The following ARHGAP6 variants were observed in gnomAD, a reference collection of about 807,000 sequenced individuals.
The protein encoded by ARHGAP6 is Rho GTPase activating protein 6.
A neutral mutation model predicts 55.7 loss-of-function variants in ARHGAP6; 16 were observed. That is an observed-to-expected ratio of 0.29 (90% CI 0.19 to 0.44). ARHGAP6 has a LOEUF of 0.44. Ranked by LOEUF, ARHGAP6 falls within the 20% of genes least tolerant of loss-of-function variation. The pLI, the probability that ARHGAP6 is intolerant of heterozygous loss-of-function variation, is 1.00. For synonymous variants in ARHGAP6, 382 were observed against 360.9 expected (o/e 1.06, Z -0.66); for missense variants, 698 against 808.9 (o/e 0.86, Z 1.66).
intron 1 of ARHGAP6, among the ~76,000 whole-genome samples, chrX:11,483,038 T>G (rs2050473395): frequency 8.9e-6 from 1 of 111,847 alleles, no homozygotes; most frequent in Non-Finnish European, 1.9e-5. Context: ...CTTTTCCTGT[T>G]AATCCTACTC....
intron 1 of ARHGAP6, among the ~76,000 whole-genome samples, chrX:11,323,305 A>G (rs2048456390): frequency 8.9e-6 from 1 of 112,532 alleles, no homozygotes; most frequent in African/African-American, 3.2e-5. Context: ...TTTCAAATGT[A>G]TATTACACCA....
At position 11,573,805 on chromosome X, in the gene ARHGAP6, T is replaced by A. The variant is rs190500931; in HGVS notation, c.588+90436A>T. 1.7e-3 allele frequency among the ~76,000 whole-genome samples: 185 copies of A among 111,513 alleles called. 3 individuals are homozygous for A. The East Asian group carries it at 0.044, about 27-fold the overall frequency. ...ATGGCCATTTTCACGATATTGATTC[T>A]TCCTACCCATGAGCATGGAATGTTC... On this transcript the variant is annotated intron_variant, in intron 1 of 12. Coordinates refer to ENST00000337414, the MANE Select transcript of ARHGAP6 (RefSeq NM_013427.3).
chrX:11,510,956 T>C (rs2050779957), intron 1 of ARHGAP6, among the ~76,000 whole-genome samples: 1 of 111,839 alleles, frequency 8.9e-6, no homozygotes, highest in East Asian at 2.8e-4. Flanking sequence ...ACAGAGAACA[T>C]ATGACCTGCA....
At chrX:11,495,606 AAC>A (rs1284810666) in intron 1 of ARHGAP6, among the ~76,000 whole-genome samples, 2 of 110,940 alleles carry the variant, frequency 1.8e-5, no homozygotes, top group Non-Finnish European at 3.8e-5. Context: ...GTAATCCTGG[AAC>A]CATGCTCCAG....
rs1235234763 is a variant in ARHGAP6, at chrX:11,174,616, C to T, written c.1629+3484G>A. Among the ~76,000 whole-genome samples the T allele has an allele frequency of 1.5e-4, 10 of 65,029 alleles. No homozygotes were observed. The East Asian group carries it at 1.8e-3, about 12-fold the overall frequency. 56.5% of individuals were successfully genotyped at this position (65,029 alleles called of 115,157 possible). ...TTTTTCTTTCTTTCTTTCTTTCTTT[C>T]TCTTTCTTTTCTTTCTTTCTTTCTT... On this transcript the variant is annotated intron_variant, in intron 8 of 12. Coordinates refer to ENST00000337414, the MANE Select transcript of ARHGAP6 (RefSeq NM_013427.3).
At chrX:11,243,160 CA>C (rs1487804271) in intron 2 of ARHGAP6, among the ~76,000 whole-genome samples, 1 of 112,034 alleles carries the variant, frequency 8.9e-6, no homozygotes, top group African/African-American at 3.2e-5. Flanking sequence ...CACTTGTCTG[CA>C]ATGGCAGAAG....
chrX:11,340,175 C>G (rs2048685477), intron 1 of ARHGAP6, among the ~76,000 whole-genome samples: 1 of 111,730 alleles, frequency 9.0e-6, no homozygotes, highest in Admixed American at 9.5e-5. Flanking sequence ...ATTAGAGCCC[C>G]ATCCTAATTC....
intron 1 of ARHGAP6, among the ~76,000 whole-genome samples, chrX:11,660,682 C>T (rs1160137753): frequency 9.2e-6 from 1 of 109,042 alleles, no homozygotes; most frequent in African/African-American, 3.3e-5. Flanking sequence ...CCTGCTCCTC[C>T]AAACAAATTA....
chrX:11,202,716 G>A (rs1161094715), intron 2 of ARHGAP6, among the ~76,000 whole-genome samples: 1 of 97,357 alleles, frequency 1.0e-5, no homozygotes, highest in Non-Finnish European at 2.0e-5. Context: ...ACTGAGGCAG[G>A]AGAATCACAG....
At chrX:11,325,269 T>G (rs770167320) in intron 1 of ARHGAP6, among the ~76,000 whole-genome samples, 1 of 112,468 alleles carries the variant, frequency 8.9e-6, no homozygotes, top group African/African-American at 3.2e-5. Context: ...ATCAAAATGC[T>G]TATCAATCAC....
intron 1 of ARHGAP6, among the ~76,000 whole-genome samples, chrX:11,566,819 T>A (rs1291255491): frequency 8.9e-6 from 1 of 112,440 alleles, no homozygotes; most frequent in Non-Finnish European, 1.9e-5. Context: ...AAAGCCAAAA[T>A]TGAAAACAAA....
At chrX:11,274,283 C>T (rs2047730187) in intron 1 of ARHGAP6, among the ~76,000 whole-genome samples, 1 of 111,796 alleles carries the variant, frequency 8.9e-6, no homozygotes, top group Non-Finnish European at 1.9e-5. Context: ...GAGGTGGCAA[C>T]TGTTGACTTA....
At position 11,495,587 on chromosome X, in the gene ARHGAP6, GT is replaced by G. The variant is rs750647035; in HGVS notation, c.588+168653del. 2.7e-5 allele frequency among the ~76,000 whole-genome samples: 3 copies of G among 111,335 alleles called. No homozygotes were observed. In the South Asian group the frequency reaches 1.2e-3, roughly 43 times the overall value. On this transcript the variant is annotated intron_variant, in intron 1 of 12. Transcript: ENST00000337414. ...GTATCTGGGTAAATGTAGTCACTGA[GT>G]CCCTGAGGTAATCCTGGAACCATGC... is the stretch of plus-strand genomic sequence containing the variant.
At chrX:11,231,276 G>A (rs1045454911) in intron 2 of ARHGAP6, among the ~76,000 whole-genome samples, 6 of 112,088 alleles carry the variant, frequency 5.4e-5, no homozygotes, top group African/African-American at 9.7e-5. Flanking sequence ...CCGCTTTGAA[G>A]AATGGCTGAT....
chrX:11,495,466 C>A (rs1247776046), intron 1 of ARHGAP6, among the ~76,000 whole-genome samples: 1 of 112,157 alleles, frequency 8.9e-6, no homozygotes, highest in Non-Finnish European at 1.9e-5. Context: ...TCCCTCTTTT[C>A]TTCACCTGAG....
chrX:11,266,703 T>A (rs1372300701), intron 1 of ARHGAP6, among the ~76,000 whole-genome samples: 1 of 111,785 alleles, frequency 8.9e-6, no homozygotes, highest in Non-Finnish European at 1.9e-5. Flanking sequence ...CTGAACCAAA[T>A]ACAACTCGAA....
chrX:11,225,526 G>A (rs1382951618), intron 2 of ARHGAP6: 2 of 189,003 alleles, frequency 1.1e-5, no homozygotes, highest in African/African-American at 6.1e-5. Flanking sequence ...GAACACAACT[G>A]TTTAAAATTG....
chrX:11,233,799 C>A (rs2047163439), intron 2 of ARHGAP6, among the ~76,000 whole-genome samples: 1 of 112,140 alleles, frequency 8.9e-6, no homozygotes, highest in Admixed American at 9.5e-5. Flanking sequence ...ATCTTTCCAG[C>A]TATTTTTGAT....
chrX:11,621,540 GGTAA>G (rs1433845468), intron 1 of ARHGAP6, among the ~76,000 whole-genome samples: 1 of 111,250 alleles, frequency 9.0e-6, no homozygotes, highest in Non-Finnish European at 1.9e-5. Flanking sequence ...TGAGGCAGCT[GGTAA>G]GTGTTTTAGT....
Sources: allele counts gnomAD v4.1 joint callset (sites outside exome capture counted in the v4.1 genomes callset), GRCh38; gene constraint gnomAD v4.1.1; transcripts MANE v1.5; gene names NCBI Gene and HGNC (gene_info 2026-07-23, HGNC 2026-07-21).